ATP6V1H: variants seen among roughly 807,000 people sequenced by gnomAD.
The protein encoded by ATP6V1H is V-type proton ATPase subunit H.
ATP6V1H carries 39 observed loss-of-function variants against 71.7 expected under a neutral mutation model. That is an observed-to-expected ratio of 0.54 (90% CI 0.42 to 0.71). The LOEUF is 0.71. Among genes scored for constraint, ATP6V1H ranks in the 30% least tolerant of loss-of-function variants. The pLI is 0.00. For synonymous variants in ATP6V1H, 192 were observed against 199.3 expected (o/e 0.96, Z 0.31); for missense variants, 509 against 594.9 (o/e 0.86, Z 1.50).
At chr8:53,726,439 C>A (rs1455771806) in intron 13 of ATP6V1H, among the ~76,000 whole-genome samples, 1 of 152,008 alleles carries the variant, frequency 6.6e-6, no homozygotes, top group African/African-American at 2.4e-5. Flanking sequence ...ATCTAAGGTA[C>A]TTAAAATTTT....
intron 2 of ATP6V1H, among the ~76,000 whole-genome samples, chr8:53,835,232 G>A (rs950173821): frequency 2.0e-5 from 3 of 152,154 alleles, no homozygotes; most frequent in African/African-American, 7.2e-5. Flanking sequence ...GCCCTGAGAC[G>A]AAGATTCATG....
chr8:53,818,300 G>T (rs1707508816), intron 4 of ATP6V1H, among the ~76,000 whole-genome samples: 1 of 152,042 alleles, frequency 6.6e-6, no homozygotes, highest in Admixed American at 6.5e-5. Context: ...GGTTACTCGA[G>T]AACAGGTGGT....
chr8:53,764,981 T>A (rs1280376335), intron 11 of ATP6V1H, among the ~76,000 whole-genome samples: 1 of 152,168 alleles, frequency 6.6e-6, no homozygotes. Context: ...GGTATGTGCC[T>A]GTAGTCCTAG....
At chr8:53,774,992 TCTCA>T (rs754443221) in intron 9 of ATP6V1H, among the ~76,000 whole-genome samples, 1 of 152,260 alleles carries the variant, frequency 6.6e-6, no homozygotes, top group Non-Finnish European at 1.5e-5. Flanking sequence ...GGGTTCTTGG[TCTCA>T]CTGACTTCAA....
Position 53,743,675 on chromosome 8 carries a change from G to T in ATP6V1H, c.1293C>A (p.Leu431=), listed in dbSNP as rs761638317. The T allele has an allele frequency of 6.2e-7, 1 of 1,610,946 alleles. No individual in the cohort carries two copies. ...GGTTCATGACCAGCTGCTTCCCACC[G>T]AGCTGCTCGATGACCCTGCAAACGG... ...YPRGKRVIEQ[L]GGKQLVMNHM... Residue 431 remains leucine, a synonymous_variant, in exon 13 of 14, where the codon CTC becomes CTA. Transcript: ENST00000359530.
At chr8:53,719,368 G>C (rs1198094684) in intron 13 of ATP6V1H, among the ~76,000 whole-genome samples, 1 of 152,032 alleles carries the variant, frequency 6.6e-6, no homozygotes, top group Non-Finnish European at 1.5e-5. Flanking sequence ...ATGGGGTTCT[G>C]CCATGTTGGC....
intron 8 of ATP6V1H, 79 bp from the exon 9 acceptor site, chr8:53,795,918 C>T (rs1329128528): frequency 1.0e-5 from 13 of 1,271,780 alleles, no homozygotes; most frequent in Admixed American, 2.4e-5. Flanking sequence ...TCTTTTTGCA[C>T]TAATGGAACA....
At chr8:53,796,222 G>A (rs1214706223) in intron 8 of ATP6V1H, among the ~76,000 whole-genome samples, 1 of 152,174 alleles carries the variant, frequency 6.6e-6, no homozygotes, top group Non-Finnish European at 1.5e-5. Context: ...AAAGGAAACA[G>A]AGAAAAGAAG....
At chr8:53,841,786 AATATT>A (rs1811351247) in intron 1 of ATP6V1H, 61 bp from the exon 2 acceptor site, 2 of 1,442,680 alleles carry the variant, frequency 1.4e-6, no homozygotes, top group Non-Finnish European at 1.9e-6. Flanking sequence ...TACAACTATT[AATATT>A]ATGATTATGA....
intron 13 of ATP6V1H, among the ~76,000 whole-genome samples, chr8:53,738,382 C>T (rs1350734206): frequency 6.6e-6 from 1 of 152,092 alleles, no homozygotes; most frequent in Non-Finnish European, 1.5e-5. Flanking sequence ...GATGTAACTG[C>T]CCCACCCACA....
chr8:53,819,388 C>T (rs1394947891), intron 4 of ATP6V1H, among the ~76,000 whole-genome samples: 1 of 150,140 alleles, frequency 6.7e-6, no homozygotes, highest in Non-Finnish European at 1.5e-5. Context: ...AAAAATTAGC[C>T]GGGTGTGGCG....
intron 9 of ATP6V1H, among the ~76,000 whole-genome samples, chr8:53,780,177 G>C (rs1400167238): frequency 7.0e-6 from 1 of 142,148 alleles, no homozygotes; most frequent in Non-Finnish European, 1.5e-5. Context: ...AAAAAAAAAA[G>C]ACATTATCAT....
chr8:53,810,788 G>A (rs1236104250), intron 7 of ATP6V1H, among the ~76,000 whole-genome samples: 3 of 152,124 alleles, frequency 2.0e-5, no homozygotes, highest in Non-Finnish European at 4.4e-5. Context: ...TCAAATGTTT[G>A]ACGCTTTTGT....
intron 7 of ATP6V1H, among the ~76,000 whole-genome samples, chr8:53,802,316 G>A (rs1195206338): frequency 6.6e-6 from 1 of 152,096 alleles, no homozygotes; most frequent in Admixed American, 6.5e-5. Context: ...TTCAAGATAG[G>A]CCTATATGTA....
intron 13 of ATP6V1H, 86 bp from the exon 14 acceptor site, chr8:53,716,110 T>C (rs1806415226): frequency 2.0e-6 from 2 of 1,010,738 alleles, no homozygotes; most frequent in Non-Finnish European, 2.9e-6. Context: ...TGCACTGTCA[T>C]ATATACTTAC....
chr8:53,783,120 C>G (rs1014535117), intron 9 of ATP6V1H, among the ~76,000 whole-genome samples: 2 of 152,020 alleles, frequency 1.3e-5, no homozygotes, highest in African/African-American at 2.4e-5. Context: ...AGGAATGGTA[C>G]CAGCTCCTCC....
intron 12 of ATP6V1H, among the ~76,000 whole-genome samples, chr8:53,752,509 G>A (rs527882074): frequency 6.6e-6 from 1 of 152,262 alleles, no homozygotes; most frequent in African/African-American, 2.4e-5. Flanking sequence ...TTCTAATTCA[G>A]TAGCAATAAA....
At chr8:53,798,520 A>G (rs548334333) in intron 8 of ATP6V1H, among the ~76,000 whole-genome samples, 3 of 150,482 alleles carry the variant, frequency 2.0e-5, no homozygotes, top group South Asian at 4.2e-4. Context: ...CTCAGAAAGG[A>G]AAAAAAAAGA....
intron 9 of ATP6V1H, among the ~76,000 whole-genome samples, chr8:53,781,629 G>C (rs1225770181): frequency 6.6e-6 from 1 of 151,342 alleles, no homozygotes; most frequent in Non-Finnish European, 1.5e-5. Context: ...CCTATGTCCT[G>C]AATGGTATTG....
Sources: gnomAD v4.1 joint callset for allele counts (sites outside exome capture counted in the v4.1 genomes callset) on GRCh38, gnomAD v4.1.1 for gene constraint, MANE v1.5 for transcripts, NCBI Gene and HGNC (gene_info 2026-07-23, HGNC 2026-07-21) for gene names.